Variants in DGCR2 observed in about 807,000 individuals in gnomAD.
The protein encoded by DGCR2 is integral membrane protein DGCR2/IDD.
A neutral mutation model predicts 51.6 loss-of-function variants in DGCR2; 24 were observed. The observed-to-expected ratio is 0.47, with a 90% CI of 0.34 to 0.65. DGCR2 has a LOEUF of 0.65. Among genes scored for constraint, DGCR2 ranks in the 30% least tolerant of loss-of-function variants. The probability of loss-of-function intolerance (pLI) is 0.01; values close to 1 mark genes in which losing one functional copy is unlikely to be tolerated. For missense variants in DGCR2, 765 were observed against 772.1 expected, an observed-to-expected ratio of 0.99 and a Z score of 0.11; for synonymous variants, 340 against 315.4, an observed-to-expected ratio of 1.08 and a Z score of -0.82.
chr22:19,112,366 T>C (rs1220261395), intron 1 of DGCR2, among the ~76,000 whole-genome samples: 3 of 152,128 alleles, frequency 2.0e-5, no homozygotes, highest in African/African-American at 2.4e-5. Context: ...AGGGGCTTGT[T>C]ATAAATACTG....
intron 1 of DGCR2, among the ~76,000 whole-genome samples, chr22:19,096,894 C>CAA (rs35065228): frequency 2.5e-3 from 339 of 138,188 alleles, no homozygotes; most frequent in Middle Eastern, 0.011. Context: ...AAAAAAAAAA[C>CAA]AAAAAAAAAA....
chr22:19,067,896 C>A (rs2082767257), intron 3 of DGCR2, among the ~76,000 whole-genome samples: 1 of 152,194 alleles, frequency 6.6e-6, no homozygotes, highest in Non-Finnish European at 1.5e-5. Flanking sequence ...AGCCGGTTGA[C>A]TTCCTAGGGC....
intron 2 of DGCR2, among the ~76,000 whole-genome samples, chr22:19,075,984 A>T (rs1402180400): frequency 6.6e-6 from 1 of 152,124 alleles, no homozygotes; most frequent in Non-Finnish European, 1.5e-5. Context: ...TTTGAGACAG[A>T]GTCTTGCTCT....
At chr22:19,067,697 T>C (rs1174980351) in intron 3 of DGCR2, among the ~76,000 whole-genome samples, 1 of 29,010 alleles carries the variant, frequency 3.4e-5, no homozygotes, top group Non-Finnish European at 7.4e-5. Context: ...CGTCTCTAAA[T>C]AAATAAATAA....
intron 7 of DGCR2, among the ~76,000 whole-genome samples, chr22:19,042,697 T>C (rs577763668): frequency 3.9e-5 from 6 of 152,168 alleles, no homozygotes; most frequent in East Asian, 1.9e-4. Flanking sequence ...CTGGACCGGG[T>C]AGTGACAGAC....
intron 5 of DGCR2, 49 bp downstream of exon 5, chr22:19,063,153 G>T: frequency 6.4e-7 from 1 of 1,563,638 alleles, no homozygotes. Context: ...CCCCGAATCA[G>T]GGTGACTCTG....
chr22:19,061,085 A>G (rs1205852510), intron 5 of DGCR2: 2 of 235,432 alleles, frequency 8.5e-6, no homozygotes, highest in African/African-American at 4.7e-5. Flanking sequence ...TTCTTAGGGA[A>G]GGGTTCAGAA....
intron 2 of DGCR2, among the ~76,000 whole-genome samples, chr22:19,070,269 G>C (rs759030969): frequency 7.2e-5 from 11 of 152,240 alleles, no homozygotes; most frequent in Admixed American, 2.0e-4. Context: ...CTGGGCCTGA[G>C]ACTGGAAGCT....
rs1601289742 is a variant in DGCR2 at position 19,100,644 on chromosome 22, C to G, written c.80-11154G>C. On this transcript the variant is annotated intron_variant, in intron 1 of 9. Transcript: ENST00000263196. ...TCGTGCCACTGCACTCCAGCCTGGG[C>G]GACAGAGCGAGACTCCGTTTAAAAA... Among the ~76,000 whole-genome samples the G allele has an allele frequency of 2.8e-5, 4 of 144,082 alleles. No individual in the cohort carries two copies. The South Asian group carries it at 9.1e-4, about 33-fold the overall frequency. The allele number at this position is 144,082 out of a possible 152,430, so 94.5% of individuals were successfully genotyped here.
chr22:19,048,243 G>C, intron 7 of DGCR2, 197 bp downstream of exon 7: 1 of 615,348 alleles, frequency 1.6e-6, no homozygotes, highest in Non-Finnish European at 2.9e-6. Context: ...GAGGCAGCTG[G>C]AGGGGTCGTG....
chr22:19,084,297 A>C (rs1250494450), intron 2 of DGCR2, among the ~76,000 whole-genome samples: 3 of 144,010 alleles, frequency 2.1e-5, no homozygotes, highest in Non-Finnish European at 4.5e-5. Flanking sequence ...CCGGCCGCCC[A>C]TCATCTGAGA....
chr22:19,059,365 A>C, intron 5 of DGCR2, among the ~76,000 whole-genome samples: 1 of 152,020 alleles, frequency 6.6e-6, no homozygotes, highest in African/African-American at 2.4e-5. Context: ...GACATATTCC[A>C]AAGGTGTGAG....
At chr22:19,109,335 A>T (rs2083291228) in intron 1 of DGCR2, among the ~76,000 whole-genome samples, 1 of 152,212 alleles carries the variant, frequency 6.6e-6, no homozygotes, top group African/African-American at 2.4e-5. Context: ...GGTCTCAAAG[A>T]TATATTCATA....
chr22:19,095,794 G>A (rs1212153372), intron 1 of DGCR2, among the ~76,000 whole-genome samples: 1 of 150,572 alleles, frequency 6.6e-6, no homozygotes, highest in Non-Finnish European at 1.5e-5. Flanking sequence ...ACAATTTTGA[G>A]ATCAAAAGAT....
At chr22:19,044,703 T>TG (rs1204361592) in intron 7 of DGCR2, among the ~76,000 whole-genome samples, 1 of 152,250 alleles carries the variant, frequency 6.6e-6, no homozygotes, top group Admixed American at 6.5e-5. Context: ...GTACCCCACG[T>TG]GGATTTAGTT....
At chr22:19,043,139 G>A (rs969561720) in intron 7 of DGCR2, among the ~76,000 whole-genome samples, 1 of 152,356 alleles carries the variant, frequency 6.6e-6, no homozygotes, top group African/African-American at 2.4e-5. Flanking sequence ...CAGGCTAGAC[G>A]CCAAGGAGCA....
intron 4 of DGCR2, 55 bp downstream of exon 4, chr22:19,064,793 T>A (rs889601661): frequency 1.3e-6 from 2 of 1,538,438 alleles, no homozygotes; most frequent in African/African-American, 2.7e-5. Context: ...GGCCATGTGC[T>A]CAGTAGTCAT....
intron 1 of DGCR2, among the ~76,000 whole-genome samples, chr22:19,106,818 G>C (rs533505257): frequency 1.2e-4 from 18 of 151,880 alleles, no homozygotes; most frequent in Non-Finnish European, 2.1e-4. Context: ...GAAGCCAGCA[G>C]AGCCCCTGGG....
In DGCR2 at chr22:19,057,726, C is replaced by T. The variant is rs1251326177; in HGVS notation, c.626-564G>A. 6.6e-6 allele frequency among the ~76,000 whole-genome samples: 1 copy of T among 151,204 alleles called. No homozygotes were observed. The highest frequency in any genetic ancestry group is 1.5e-5 in the Non-Finnish European group (1 of 67,882). On this transcript the variant is annotated intron_variant, in intron 5 of 9. Transcript: ENST00000263196. This position sits in a 1 kb window ranked among gnomAD's most constrained non-coding sequence, Gnocchi z 5.1. ...AGCACTGGCTCCCGGGGACCTCTCT[C>T]AGCTCAAGGGAAACTGTCACCCACT...
Sources: gnomAD v4.1 joint callset for allele counts (sites outside exome capture counted in the v4.1 genomes callset) on GRCh38, gnomAD v4.1.1 for gene constraint, Gnocchi (gnomAD v3.1) non-coding constraint, MANE v1.5 for transcripts, NCBI Gene and HGNC (gene_info 2026-07-23, HGNC 2026-07-21) for gene names.